SETDB1: variants seen among roughly 807,000 people sequenced by gnomAD.
SETDB1 encodes the protein histone-lysine N-methyltransferase SETDB1.
In SETDB1, 31 loss-of-function variants were observed where a neutral mutation model predicts 137.4. The observed-to-expected ratio is 0.23, with a 90% CI of 0.17 to 0.30. The LOEUF (loss-of-function observed/expected upper bound fraction) is 0.30, where lower values mean the gene tolerates loss of function less well. Among genes scored for constraint, SETDB1 ranks in the 10% least tolerant of loss-of-function variants. SETDB1 has a pLI of 1.00. For synonymous variants in SETDB1, 548 were observed against 579.9 expected (o/e 0.95, Z 0.79); for missense variants, 1,113 against 1,631.5 (o/e 0.68, Z 5.47).
chr1:150,934,087 AT>A (rs951541354), intron 3 of SETDB1, among the ~76,000 whole-genome samples: 5 of 151,282 alleles, frequency 3.3e-5, no homozygotes, highest in Admixed American at 6.6e-5. Context: ...CCGGCCCCTG[AT>A]TTTTCTTTTT....
In SETDB1 at chr1:150,960,768, T is replaced by C. The variant is rs1670792061; in HGVS notation, c.2709T>C (p.Asn903=). 6.2e-7 allele frequency: 1 copy of C among 1,610,794 alleles called. No homozygotes were observed. The highest frequency in any genetic ancestry group is 1.3e-5 in the African/African-American group (1 of 74,822). ...GTACAGAGGACCCTGAAGAGTCCAA[T>C]GATGATAGCTCAGATGATAACTTCT... ...NSGTEDPEES[N]DDSSDDNFCK... Residue 903 remains asparagine (N), a synonymous_variant, in exon 16 of 22, where the codon AAT becomes AAC. Transcript: ENST00000692827.
chr1:150,930,145 G>T, intron 3 of SETDB1, 27 bp downstream of exon 3: 1 of 1,588,388 alleles, frequency 6.3e-7, no homozygotes, highest in South Asian at 1.1e-5. Flanking sequence ...GGATAGGAGA[G>T]TCTCAGGACT....
At chr1:150,946,622 A>C (rs1016246367) in intron 9 of SETDB1, among the ~76,000 whole-genome samples, 5 of 152,034 alleles carry the variant, frequency 3.3e-5, no homozygotes, top group African/African-American at 9.6e-5. Flanking sequence ...CTAATTTTGT[A>C]TTTTTAGTAG....
At chr1:150,931,176 C>G (rs1669723393) in intron 3 of SETDB1, among the ~76,000 whole-genome samples, 1 of 145,316 alleles carries the variant, frequency 6.9e-6, no homozygotes, top group Non-Finnish European at 1.5e-5. Context: ...GGAAGGATCT[C>G]TTAAGCATAG....
At chr1:150,962,483 C>T (rs1174275640) in intron 17 of SETDB1, 104 bp from the exon 18 acceptor site, 1 of 1,136,694 alleles carries the variant, frequency 8.8e-7, no homozygotes, top group African/African-American at 1.5e-5. Flanking sequence ...AGCCCAGTGC[C>T]TGTCTTTTTG....
In SETDB1 at chr1:150,951,478, C is replaced by T; in HGVS notation, c.2330C>T (p.Thr777Ile). The change falls in exon 14 of 22, where the codon ACA becomes ATA. Residue 777 changes from threonine (T) to isoleucine (I), a missense_variant. By Grantham distance (89) the Thr-to-Ile change is moderately conservative. Transcript: ENST00000692827. ...QYKRLEECLP[T>I]GVYECNKRCK... ...AAGAGACTAGAAGAGTGTCTACCCA[C>T]AGGGTAAGTGGTCAAGGAATGGCAC... is the stretch of plus-strand genomic sequence containing the variant. 6.5e-7 allele frequency: 1 copy of T among 1,547,378 alleles called. No individual in the cohort carries two copies. The highest frequency in any genetic ancestry group is 1.1e-5 in the South Asian group (1 of 89,704).
chr1:150,961,261 T>A, intron 16 of SETDB1, 70 bp downstream of exon 16: 1 of 1,460,080 alleles, frequency 6.8e-7, no homozygotes, highest in East Asian at 2.4e-5. Context: ...AGTCTCACCA[T>A]GAGTCTTTGC....
chr1:150,963,793 A>C (rs1169448963), intron 20 of SETDB1, 52 bp downstream of exon 20: 1 of 1,560,384 alleles, frequency 6.4e-7, no homozygotes, highest in Non-Finnish European at 8.8e-7. Context: ...TGGTCCTCAG[A>C]TTTCTTTTAA....
chr1:150,952,016 C>T (rs587619834), intron 14 of SETDB1, among the ~76,000 whole-genome samples: 30 of 151,056 alleles, frequency 2.0e-4, no homozygotes, highest in Non-Finnish European at 3.7e-4. Context: ...GGGGTGGTGG[C>T]GGGTGCCTGC....
At chr1:150,957,838 G>T (rs1670691281) in intron 14 of SETDB1, among the ~76,000 whole-genome samples, 1 of 152,024 alleles carries the variant, frequency 6.6e-6, no homozygotes, top group Non-Finnish European at 1.5e-5. Flanking sequence ...TCAGTAGCTG[G>T]GATTACAGGC....
At chr1:150,942,456 A>C in intron 5 of SETDB1, 107 bp from the exon 6 acceptor site, 1 of 994,912 alleles carries the variant, frequency 1.0e-6, no homozygotes, top group South Asian at 1.7e-5. Context: ...CAAAAAAAAA[A>C]AAAAAATTAC....
chr1:150,941,236 GT>G, intron 4 of SETDB1, 92 bp from the exon 5 acceptor site: 1 of 696,246 alleles, frequency 1.4e-6, no homozygotes, highest in East Asian at 2.8e-5. Context: ...ACTCCATTTT[GT>G]TTTGTGAAAT....
At chr1:150,941,821 C>G (rs1670166635) in intron 5 of SETDB1, among the ~76,000 whole-genome samples, 1 of 151,754 alleles carries the variant, frequency 6.6e-6, no homozygotes, top group African/African-American at 2.4e-5. Context: ...AGTGAAACCC[C>G]ATCTCTACAA....
At chr1:150,939,155 T>G (rs1670049894) in intron 3 of SETDB1, among the ~76,000 whole-genome samples, 1 of 151,826 alleles carries the variant, frequency 6.6e-6, no homozygotes, top group Non-Finnish European at 1.5e-5. Context: ...TTTCACCATG[T>G]TGCCCAGGCT....
At chr1:150,953,381 C>G (rs1179001406) in intron 14 of SETDB1, among the ~76,000 whole-genome samples, 1 of 151,412 alleles carries the variant, frequency 6.6e-6, no homozygotes, top group African/African-American at 2.4e-5. Context: ...AAAAAACTTG[C>G]CAGGGATGGT....
chr1:150,928,688 T>C (rs1669619413), intron 2 of SETDB1, among the ~76,000 whole-genome samples: 1 of 152,232 alleles, frequency 6.6e-6, no homozygotes, highest in South Asian at 2.1e-4. Context: ...TATGTATACA[T>C]GTGCCATGTT....
chr1:150,941,731 T>C (rs1342775663), intron 5 of SETDB1, among the ~76,000 whole-genome samples: 1 of 151,800 alleles, frequency 6.6e-6, no homozygotes, highest in African/African-American at 2.4e-5. Flanking sequence ...GTGGCTCATA[T>C]CTGTAATTCT....
At position 150,961,247 on chromosome 1, in the gene SETDB1, A is replaced by G. The variant is rs16832391; in HGVS notation, c.3132+56A>G. 0.015 allele frequency: 22,477 copies of G among 1,537,228 alleles called. 2,664 individuals are homozygous for G. In the African/African-American group the frequency reaches 0.26, roughly 18 times the overall value. On this transcript the variant is annotated intron_variant, in intron 16 of 21. Transcript: ENST00000692827. Reference sequence around the variant, plus strand: ...TGGCTTTAACTTTGGTGCAGTAACAATGCAGTCTCACCATGAGTCTTTGCA... The same window carrying G: ...TGGCTTTAACTTTGGTGCAGTAACAGTGCAGTCTCACCATGAGTCTTTGCA...
chr1:150,927,493 TC>T (rs1669567886), intron 1 of SETDB1, among the ~76,000 whole-genome samples: 1 of 152,188 alleles, frequency 6.6e-6, no homozygotes. Flanking sequence ...AACTCTTAAA[TC>T]TTTTTCAGGA....
Sources: gnomAD v4.1 joint callset for allele counts (sites outside exome capture counted in the v4.1 genomes callset) on GRCh38, gnomAD v4.1.1 for gene constraint, MANE v1.5 for transcripts, NCBI Gene and HGNC (gene_info 2026-07-23, HGNC 2026-07-21) for gene names.